The following TAFA5 variants were observed in gnomAD, a reference collection of about 807,000 sequenced individuals.
The protein encoded by TAFA5 is chemokine-like protein TAFA-5.
A neutral mutation model predicts 15.3 loss-of-function variants in TAFA5; 6 were observed. The observed-to-expected ratio is 0.39, with a 90% CI of 0.21 to 0.77. TAFA5 has a LOEUF of 0.77. Among genes scored for constraint, TAFA5 ranks in the 30% least tolerant of loss-of-function variants. The probability of loss-of-function intolerance (pLI) is 0.41; values close to 1 mark genes in which losing one functional copy is unlikely to be tolerated. For synonymous variants in TAFA5, 103 were observed against 80.7 expected (o/e 1.28, Z -1.48); for missense variants, 161 against 193.1 (o/e 0.83, Z 0.98).
At position 48,558,221 on chromosome 22, in the gene TAFA5, A is replaced by G. The variant is rs140709898; in HGVS notation, c.112+68517A>G. ...TTGCGTCTTCGCTCTCCGTGGCTGCATTATAACTGGAGCTTATGTTCAATT... is the reference window on the plus strand; with the variant it reads ...TTGCGTCTTCGCTCTCCGTGGCTGCGTTATAACTGGAGCTTATGTTCAATT... On this transcript the variant is annotated intron_variant, in intron 1 of 3. Coordinates refer to ENST00000402357, the MANE Select transcript of TAFA5 (RefSeq NM_001082967.3). Among the ~76,000 whole-genome samples the G allele has an allele frequency of 3.4e-3, 525 of 152,324 alleles. 1 individual carries two copies. The highest frequency in any genetic ancestry group is 7.5e-3 in the Admixed American group (115 of 15,302).
chr22:48,602,539 C>T (rs145718002), intron 1 of TAFA5, among the ~76,000 whole-genome samples: 7 of 152,344 alleles, frequency 4.6e-5, no homozygotes, highest in Non-Finnish European at 8.8e-5. Flanking sequence ...AGTTTCTCTT[C>T]TTGGCCCATT....
chr22:48,743,597 G>A (rs928861974), intron 3 of TAFA5, among the ~76,000 whole-genome samples: 1 of 152,232 alleles, frequency 6.6e-6, no homozygotes, highest in African/African-American at 2.4e-5. Context: ...CTGAGCTCAT[G>A]GAGGAGGGGG....
intron 1 of TAFA5, chr22:48,545,251 A>C: frequency 3.8e-6 from 1 of 262,458 alleles, no homozygotes; most frequent in Non-Finnish European, 7.6e-6. Context: ...CATTTGGCGT[A>C]AGGCCTCTGG....
At chr22:48,548,119 G>A (rs1922738776) in intron 1 of TAFA5, among the ~76,000 whole-genome samples, 1 of 152,142 alleles carries the variant, frequency 6.6e-6, no homozygotes, top group African/African-American at 2.4e-5. Flanking sequence ...CCAGCTTCAG[G>A]CGCAGGAGGC....
intron 2 of TAFA5, among the ~76,000 whole-genome samples, chr22:48,659,388 GGAGGCAGA>G (rs1310029914): frequency 6.6e-6 from 1 of 152,232 alleles, no homozygotes; most frequent in East Asian, 1.9e-4. Context: ...GTCCAAGACA[GGAGGCAGA>G]GAGGCTGGAC....
chr22:48,693,136 C>T lies in TAFA5; in HGVS notation c.263-14581C>T, dbSNP rs375813861. The T allele has an allele frequency of 1.1e-3, 734 of 692,220 alleles. 2 individuals carry two copies. The highest frequency in any genetic ancestry group is 8.6e-3 in the African/African-American group (482 of 55,762). The allele number at this position is 692,220 out of a possible 1,614,324, so 42.9% of individuals were successfully genotyped here. A position where few individuals can be genotyped will look rare whatever the true frequency, so the allele number is the denominator to read the frequency against. The stretch of plus-strand genomic sequence containing the variant: ...GGATTCCCAGTAGCTGAGCGCAGGA[C>T]GTGACCTCGAGTCGAAGCCTCTGCT... On this transcript the variant is annotated intron_variant, in intron 2 of 3. Coordinates refer to ENST00000402357, the MANE Select transcript of TAFA5 (RefSeq NM_001082967.3).
intron 1 of TAFA5, among the ~76,000 whole-genome samples, chr22:48,624,357 C>T (rs1206197749): frequency 1.3e-5 from 2 of 152,118 alleles, no homozygotes; most frequent in Non-Finnish European, 2.9e-5. Context: ...CGCTCTTTCT[C>T]CCATAGGGTG....
intron 1 of TAFA5, among the ~76,000 whole-genome samples, chr22:48,615,549 C>T (rs761521993): frequency 6.6e-6 from 1 of 152,204 alleles, no homozygotes; most frequent in Non-Finnish European, 1.5e-5. Flanking sequence ...TGGTTTTCAC[C>T]CTCTGTGGTC....
chr22:48,520,460 G>A (rs1257213962), intron 1 of TAFA5, among the ~76,000 whole-genome samples: 1 of 152,228 alleles, frequency 6.6e-6, no homozygotes, highest in African/African-American at 2.4e-5. Context: ...CTTCTCGCTG[G>A]TGAAGTGGCC....
At chr22:48,583,170 C>G (rs925448138) in intron 1 of TAFA5, among the ~76,000 whole-genome samples, 2 of 148,624 alleles carry the variant, frequency 1.3e-5, no homozygotes, top group South Asian at 4.3e-4. Flanking sequence ...ATACCACACA[C>G]CACACACACA....
chr22:48,572,069 G>A (rs1283468502), intron 1 of TAFA5, among the ~76,000 whole-genome samples: 2 of 152,118 alleles, frequency 1.3e-5, no homozygotes, highest in Non-Finnish European at 1.5e-5. Flanking sequence ...TTTTGAGAAT[G>A]ATACTATTTA....
At chr22:48,506,502 C>T (rs992770032) in intron 1 of TAFA5, among the ~76,000 whole-genome samples, 2 of 152,110 alleles carry the variant, frequency 1.3e-5, no homozygotes, top group African/African-American at 2.4e-5. Context: ...GGCAGTGGAT[C>T]GTCTATCTGA....
At chr22:48,737,329 G>A (rs1358465068) in intron 3 of TAFA5, among the ~76,000 whole-genome samples, 2 of 152,204 alleles carry the variant, frequency 1.3e-5, no homozygotes, top group Admixed American at 6.5e-5. Flanking sequence ...ACAGCTCGAG[G>A]GCAGCGCCTG....
At chr22:48,702,612 G>A (rs904673004) in intron 2 of TAFA5, among the ~76,000 whole-genome samples, 21 of 152,152 alleles carry the variant, frequency 1.4e-4, no homozygotes, top group African/African-American at 5.1e-4. Flanking sequence ...CTGTGGATGG[G>A]TAATGACGTT....
chr22:48,500,272 C>T (rs945289327), intron 1 of TAFA5, among the ~76,000 whole-genome samples: 1 of 152,184 alleles, frequency 6.6e-6, no homozygotes. Context: ...TGACCCCACT[C>T]CCCTGTCCCT....
intron 3 of TAFA5, among the ~76,000 whole-genome samples, chr22:48,732,458 G>T (rs970657299): frequency 6.6e-6 from 1 of 152,034 alleles, no homozygotes; most frequent in African/African-American, 2.4e-5. Flanking sequence ...GGGTTTCACC[G>T]TGTTAGCCAG....
At chr22:48,522,728 C>T (rs1239808352) in intron 1 of TAFA5, among the ~76,000 whole-genome samples, 1 of 152,212 alleles carries the variant, frequency 6.6e-6, no homozygotes, top group Non-Finnish European at 1.5e-5. Context: ...TTTGTGGCCA[C>T]TCATGGAGGG....
intron 1 of TAFA5, among the ~76,000 whole-genome samples, chr22:48,567,543 G>A (rs1420037475): frequency 6.6e-6 from 1 of 152,210 alleles, no homozygotes; most frequent in Admixed American, 6.5e-5. Context: ...GCTGTGGGCG[G>A]GGATTGGTGG....
chr22:48,509,411 G>C (rs1921129190), intron 1 of TAFA5, among the ~76,000 whole-genome samples: 1 of 152,152 alleles, frequency 6.6e-6, no homozygotes, highest in African/African-American at 2.4e-5. Context: ...CGGCTGTACT[G>C]ATTTACATTC....
Sources: gnomAD v4.1 joint callset for allele counts (sites outside exome capture counted in the v4.1 genomes callset) on GRCh38, gnomAD v4.1.1 for gene constraint, MANE v1.5 for transcripts, NCBI Gene and HGNC (gene_info 2026-07-23, HGNC 2026-07-21) for gene names.